The following MALRD1 variants were observed in gnomAD, a reference collection of about 807,000 sequenced individuals.
MALRD1 encodes the protein MAM and LDL-receptor class A domain-containing protein 1.
In MALRD1, 247 loss-of-function variants were observed where a neutral mutation model predicts 242.1. That is an observed-to-expected ratio of 1.02 (90% CI 0.92 to 1.13). MALRD1 has a LOEUF of 1.13. Among genes scored for constraint, MALRD1 ranks in the 50% most tolerant of loss-of-function variants. The pLI, the probability that MALRD1 is intolerant of heterozygous loss-of-function variation, is 0.00. For missense variants in MALRD1, 2,989 were observed against 2,533.1 expected (o/e 1.18, Z -3.86); for synonymous variants, 995 against 866.6 (o/e 1.15, Z -2.60).
intron 36 of MALRD1, among the ~76,000 whole-genome samples, chr10:19,625,765 A>C (rs945249450): frequency 1.3e-5 from 2 of 152,150 alleles, no homozygotes; most frequent in African/African-American, 2.4e-5. Context: ...TTTTTTAAAA[A>C]TTGTGTATCT....
chr10:19,166,750 T>C (rs1229261181), intron 13 of MALRD1, among the ~76,000 whole-genome samples: 2 of 152,184 alleles, frequency 1.3e-5, no homozygotes, highest in African/African-American at 4.8e-5. Context: ...AATTGTGTCT[T>C]GTCAAATGGG....
chr10:19,230,759 A>T (rs1838017089), intron 18 of MALRD1, among the ~76,000 whole-genome samples: 1 of 152,220 alleles, frequency 6.6e-6, no homozygotes, highest in Admixed American at 6.5e-5. Context: ...ATTAGTAATT[A>T]TCGTTCTCTA....
chr10:19,657,250 C>T (rs1187658172), intron 36 of MALRD1, among the ~76,000 whole-genome samples: 1 of 152,144 alleles, frequency 6.6e-6, no homozygotes, highest in African/African-American at 2.4e-5. Flanking sequence ...ACTAATCTGG[C>T]CTTTACACTA....
In MALRD1 at chr10:19,216,393, G is replaced by A. The variant is rs535381894; in HGVS notation, c.2991+6713G>A. 4.6e-5 allele frequency among the ~76,000 whole-genome samples: 7 copies of A among 151,818 alleles called. No individual in the cohort carries two copies. The East Asian group carries it at 1.4e-3, about 30-fold the overall frequency. On this transcript the variant is annotated intron_variant, in intron 18 of 39. Transcript: ENST00000454679. ...GGCCTCCCAAAGCGCTGGGATTAAGGCATGAGCCACTATACCTAGCTTTCT... is the reference window on the plus strand; with the variant it reads ...GGCCTCCCAAAGCGCTGGGATTAAGACATGAGCCACTATACCTAGCTTTCT...
chr10:19,207,371 T>C (rs1489605968), intron 17 of MALRD1, among the ~76,000 whole-genome samples: 2 of 152,210 alleles, frequency 1.3e-5, no homozygotes, highest in Non-Finnish European at 2.9e-5. Context: ...AATTATTGAC[T>C]ATGGTAGGCT....
At chr10:19,505,028 A>G (rs1296623913) in intron 31 of MALRD1, among the ~76,000 whole-genome samples, 1 of 152,088 alleles carries the variant, frequency 6.6e-6, no homozygotes, top group Non-Finnish European at 1.5e-5. Context: ...GAAATTTTTG[A>G]GGCATTCCAA....
At chr10:19,574,979 A>T (rs1380805615) in intron 33 of MALRD1, among the ~76,000 whole-genome samples, 1 of 152,216 alleles carries the variant, frequency 6.6e-6, no homozygotes, top group Non-Finnish European at 1.5e-5. Flanking sequence ...TTGAAAATCT[A>T]TGTGGTGCCC....
intron 29 of MALRD1, among the ~76,000 whole-genome samples, chr10:19,455,015 G>A (rs1488246887): frequency 6.6e-6 from 1 of 151,918 alleles, no homozygotes; most frequent in Non-Finnish European, 1.5e-5. Flanking sequence ...CAAAATAATT[G>A]GCATATTCTG....
chr10:19,349,371 G>A (rs1335179799), intron 25 of MALRD1, among the ~76,000 whole-genome samples: 2 of 152,168 alleles, frequency 1.3e-5, no homozygotes, highest in South Asian at 2.1e-4. Context: ...ATTAATACAT[G>A]TTAAACTTTT....
intron 29 of MALRD1, among the ~76,000 whole-genome samples, chr10:19,475,760 CTG>C (rs1364097708): frequency 6.6e-6 from 1 of 152,178 alleles, no homozygotes; most frequent in African/African-American, 2.4e-5. Flanking sequence ...CATTATGTAA[CTG>C]TGTTCTGCAG....
intron 18 of MALRD1, among the ~76,000 whole-genome samples, chr10:19,237,259 A>C (rs972363881): frequency 1.3e-5 from 2 of 151,448 alleles, no homozygotes; most frequent in Non-Finnish European, 2.9e-5. Flanking sequence ...GTGATTTCAT[A>C]ACTGTTAACC....
intron 1 of MALRD1, chr10:19,051,410 C>T (rs984863116): frequency 6.5e-6 from 1 of 152,962 alleles, no homozygotes; most frequent in Non-Finnish European, 1.5e-5. Context: ...GCCTCAGGTG[C>T]TATTAATACA....
At chr10:19,623,894 C>G (rs2131629997) in intron 36 of MALRD1, among the ~76,000 whole-genome samples, 1 of 152,166 alleles carries the variant, frequency 6.6e-6, no homozygotes, top group African/African-American at 2.4e-5. Flanking sequence ...CATCCCTTAG[C>G]TCAGTTAAAA....
chr10:19,709,502 C>G (rs555640536), intron 38 of MALRD1, among the ~76,000 whole-genome samples: 2 of 152,156 alleles, frequency 1.3e-5, no homozygotes, highest in African/African-American at 4.8e-5. Flanking sequence ...CAAAGTTAAT[C>G]TCTTTTATGA....
chr10:19,204,923 G>A lies in MALRD1; in HGVS notation c.2236G>A (p.Gly746Arg). The change falls in exon 17 of 40, where the codon GGA (glycine) becomes AGA (arginine). Residue 746 changes from glycine to arginine, a missense_variant. Gly to Arg is a moderately radical substitution (Grantham distance 125). Transcript: ENST00000454679. ...FWFYNYGLSV[G>R]AAELQLHMEN... ...GTTCTATAACTATGGCCTGTCAGTGGGAGCAGCTGAGCTGCAGCTACATAT... is the reference window on the plus strand; with the variant it reads ...GTTCTATAACTATGGCCTGTCAGTGAGAGCAGCTGAGCTGCAGCTACATAT... 6.5e-7 allele frequency: 1 copy of A among 1,548,886 alleles called. No homozygotes were observed. The highest frequency in any genetic ancestry group is 8.7e-7 in the Non-Finnish European group (1 of 1,145,690).
chr10:19,336,045 T>C (rs1843599952), intron 24 of MALRD1, among the ~76,000 whole-genome samples: 1 of 152,124 alleles, frequency 6.6e-6, no homozygotes, highest in East Asian at 1.9e-4. Flanking sequence ...ATAAAATACT[T>C]AGAAATCCTT....
chr10:19,158,433 T>C lies in MALRD1; in HGVS notation c.1656+3261T>C, dbSNP rs1834258812. Among the ~76,000 whole-genome samples, 3 of 152,318 alleles carry C rather than the reference T, an allele frequency of 2.0e-5. No homozygotes were observed. The South Asian group carries it at 6.2e-4, about 32-fold the overall frequency. On this transcript the variant is annotated intron_variant, in intron 12 of 39. Coordinates refer to ENST00000454679, the MANE Select transcript of MALRD1 (RefSeq NM_001142308.3). ...AATGAGAAGGTCAGGACAAAGGTAGTTGAAACCAGAGATAGGTTGGATCCC... is the reference window on the plus strand; with the variant it reads ...AATGAGAAGGTCAGGACAAAGGTAGCTGAAACCAGAGATAGGTTGGATCCC...
intron 36 of MALRD1, among the ~76,000 whole-genome samples, chr10:19,649,675 G>A (rs184449542): frequency 2.2e-4 from 34 of 152,072 alleles, no homozygotes; most frequent in Admixed American, 4.6e-4. Context: ...CCCATTTTGT[G>A]GGTTGTCTGT....
At chr10:19,695,479 T>A (rs920424025) in intron 38 of MALRD1, among the ~76,000 whole-genome samples, 3 of 151,244 alleles carry the variant, frequency 2.0e-5, no homozygotes, top group African/African-American at 7.3e-5. Context: ...CTCACAATCA[T>A]GGTAGAAGGC....
Sources: gnomAD v4.1 joint callset for allele counts (sites outside exome capture counted in the v4.1 genomes callset) on GRCh38, gnomAD v4.1.1 for gene constraint, MANE v1.5 for transcripts, NCBI Gene and HGNC (gene_info 2026-07-23, HGNC 2026-07-21) for gene names.